Variants in PHLPP2 observed in about 807,000 individuals in gnomAD.
The protein encoded by PHLPP2 is PH domain and leucine rich repeat protein phosphatase 2.
In PHLPP2, 66 loss-of-function variants were observed where a neutral mutation model predicts 124.9. The observed-to-expected ratio is 0.53, with a 90% CI of 0.43 to 0.65. PHLPP2 has a LOEUF of 0.65. Among genes scored for constraint, PHLPP2 ranks in the 30% least tolerant of loss-of-function variants. PHLPP2 has a pLI of 0.00. For synonymous variants in PHLPP2, 681 were observed against 624.7 expected, an observed-to-expected ratio of 1.09 and a Z score of -1.34; for missense variants, 1,685 against 1,600.4, an observed-to-expected ratio of 1.05 and a Z score of -0.90.
intron 5 of PHLPP2, among the ~76,000 whole-genome samples, chr16:71,682,947 G>C (rs955197254): frequency 1.3e-5 from 2 of 152,166 alleles, no homozygotes; most frequent in African/African-American, 4.8e-5. Flanking sequence ...AAGGCGGGCG[G>C]ATCACCTGAG....
chr16:71,717,040 A>G (rs1352660973), intron 1 of PHLPP2, among the ~76,000 whole-genome samples: 2 of 152,170 alleles, frequency 1.3e-5, no homozygotes, highest in Admixed American at 6.5e-5. Context: ...CCTATTCCCA[A>G]TCTGTACCTT....
Position 71,658,249 on chromosome 16 carries a change from T to G in PHLPP2, c.2263A>C (p.Thr755Pro). 6.2e-7 allele frequency: 1 copy of G among 1,613,888 alleles called. No homozygotes were observed. The highest frequency in any genetic ancestry group is 8.5e-7 in the Non-Finnish European group (1 of 1,179,868). Residue 755 changes from threonine to proline, a missense_variant, in exon 15 of 19, where the codon ACA becomes CCA. Coordinates refer to ENST00000568954, the MANE Select transcript of PHLPP2 (RefSeq NM_015020.3). ...TTTTCCTACCTAAATATGTCCAGTG[T>G]CTTGTGTTCCAGAACCAGATTTGTA... ...GNTNLVLEHK[T>P]LDIFSHITTL...
At position 71,648,694 on chromosome 16, in the gene PHLPP2, C is replaced by G. The variant is rs1422547401; in HGVS notation, c.*196G>C. 1.8e-6 allele frequency: 1 copy of G among 570,358 alleles called. No homozygotes were observed. 35.3% of individuals were successfully genotyped at this position (570,358 alleles called of 1,614,324 possible). On this transcript the variant is annotated 3_prime_UTR_variant, in exon 19 of 19. Coordinates refer to ENST00000568954, the MANE Select transcript of PHLPP2 (RefSeq NM_015020.3). ...GGCTGAGACAGGAGAATGGCTTGAA[C>G]CCAGGGACAGAGGCTGCAGTGACCC... is the stretch of plus-strand genomic sequence containing the variant.
intron 4 of PHLPP2, among the ~76,000 whole-genome samples, chr16:71,685,179 T>C (rs2045042956): frequency 6.6e-6 from 1 of 152,108 alleles, no homozygotes; most frequent in South Asian, 2.1e-4. Context: ...TACAAAAAAT[T>C]AGCCGGGTGT....
rs1432775508 is a variant in PHLPP2, at chr16:71,723,733, C to T, written c.-7+596G>A. 6 of 1,067,240 alleles carry T rather than the reference C, an allele frequency of 5.6e-6. No homozygotes were observed. The African/African-American group carries it at 1.0e-4, about 18-fold the overall frequency. The allele number at this position is 1,067,240 out of a possible 1,614,324, so 66.1% of individuals were successfully genotyped here. On this transcript the variant is annotated intron_variant, in intron 1 of 18. Transcript: ENST00000568954. ...CTCCCTAGTCCGCTTGCCCGCTCGC[C>T]CGCTCGCTCGCTCGCTGGTCCATCC...
At chr16:71,698,038 G>A (rs754251245) in intron 3 of PHLPP2, among the ~76,000 whole-genome samples, 12 of 151,898 alleles carry the variant, frequency 7.9e-5, no homozygotes, top group Non-Finnish European at 1.6e-4. Flanking sequence ...TAGTAGAGAC[G>A]GGGTTTCACT....
chr16:71,709,327 C>A (rs372726122), intron 2 of PHLPP2, among the ~76,000 whole-genome samples: 17 of 152,124 alleles, frequency 1.1e-4, no homozygotes, highest in Admixed American at 9.2e-4. Flanking sequence ...TCCCAAATCC[C>A]AAGGGTGCTA....
chr16:71,695,818 C>A (rs2045164122), intron 3 of PHLPP2, among the ~76,000 whole-genome samples: 1 of 151,732 alleles, frequency 6.6e-6, no homozygotes, highest in Non-Finnish European at 1.5e-5. Flanking sequence ...AGACCAATAC[C>A]AAATAATACC....
At chr16:71,691,059 C>G (rs887502131) in intron 3 of PHLPP2, among the ~76,000 whole-genome samples, 3 of 152,224 alleles carry the variant, frequency 2.0e-5, no homozygotes, top group Non-Finnish European at 2.9e-5. Context: ...CTGGTTCTGT[C>G]ACTTTGTTTA....
rs552477304 is a variant in PHLPP2, at chr16:71,656,874, T to A, written c.2280-193A>T. Among the ~76,000 whole-genome samples the A allele has an allele frequency of 3.3e-5, 5 of 151,882 alleles. No individual in the cohort carries two copies. The South Asian group carries it at 1.0e-3, about 32-fold the overall frequency. On this transcript the variant is annotated intron_variant, in intron 15 of 18. Transcript: ENST00000568954. Reference sequence around the variant, plus strand: ...AAGCAATTCTCCTGCCTCAGCCTCCTAAGCAGCTGAGATTACAGGTGTATG... The same window carrying A: ...AAGCAATTCTCCTGCCTCAGCCTCCAAAGCAGCTGAGATTACAGGTGTATG...
intron 2 of PHLPP2, among the ~76,000 whole-genome samples, chr16:71,706,916 TC>T (rs2045277980): frequency 1.3e-5 from 2 of 150,618 alleles, no homozygotes; most frequent in Admixed American, 1.3e-4. Context: ...TTTCATTAAG[TC>T]CAATATATCA....
chr16:71,686,285 G>A (rs1022282490), intron 4 of PHLPP2, among the ~76,000 whole-genome samples: 1 of 152,070 alleles, frequency 6.6e-6, no homozygotes, highest in African/African-American at 2.4e-5. Flanking sequence ...TGATCCTCCC[G>A]CCTTAGCTTC....
chr16:71,671,806 C>T (rs979358205), intron 10 of PHLPP2, among the ~76,000 whole-genome samples: 5 of 151,786 alleles, frequency 3.3e-5, no homozygotes, highest in Non-Finnish European at 7.4e-5. Context: ...CCCAGCTACT[C>T]GGGAGGCTGA....
At chr16:71,716,916 G>A (rs967610976) in intron 1 of PHLPP2, among the ~76,000 whole-genome samples, 2 of 152,222 alleles carry the variant, frequency 1.3e-5, no homozygotes, top group Admixed American at 1.3e-4. Flanking sequence ...ATACTACATC[G>A]ATGACAATGG....
intron 13 of PHLPP2, among the ~76,000 whole-genome samples, chr16:71,660,362 G>C (rs1263078857): frequency 1.2e-5 from 1 of 81,138 alleles, no homozygotes; most frequent in Non-Finnish European, 2.1e-5. Context: ...GGTGACACAA[G>C]ACCTTGTCTC....
intron 10 of PHLPP2, among the ~76,000 whole-genome samples, chr16:71,671,848 A>G (rs1356556611): frequency 6.6e-6 from 1 of 152,114 alleles, no homozygotes; most frequent in African/African-American, 2.4e-5. Context: ...CGGGAGGCAG[A>G]GCTTGCAGCG....
Position 71,648,802 on chromosome 16 carries a change from C to G in PHLPP2, c.*88G>C. On this transcript the variant is annotated 3_prime_UTR_variant, in exon 19 of 19. Coordinates refer to ENST00000568954, the MANE Select transcript of PHLPP2 (RefSeq NM_015020.3). ...AACAAACAAAAAAAAAACGAACAAA[C>G]AAAAAGAAATGTAGAGGCAGAATGC... 2 of 968,738 alleles carry G rather than the reference C, an allele frequency of 2.1e-6. No homozygotes were observed. The highest frequency in any genetic ancestry group is 3.1e-6 in the Non-Finnish European group (2 of 640,572). The allele number at this position is 968,738 out of a possible 1,614,324, so 60.0% of individuals were successfully genotyped here. A position where few individuals can be genotyped will look rare whatever the true frequency, so the allele number is the denominator to read the frequency against.
chr16:71,674,383 T>TC (rs35948005), intron 9 of PHLPP2, among the ~76,000 whole-genome samples: 1 of 49,498 alleles, frequency 2.0e-5, no homozygotes, highest in Admixed American at 1.8e-4. Context: ...AGGCCCAGAC[T>TC]TTTTTTTTTT....
chr16:71,705,537 A>G (rs1393169880), intron 2 of PHLPP2, among the ~76,000 whole-genome samples: 1 of 151,898 alleles, frequency 6.6e-6, no homozygotes, highest in Non-Finnish European at 1.5e-5. Flanking sequence ...TTTGAGCCGA[A>G]GTCTCGCTCT....
Sources: gnomAD v4.1 joint callset for allele counts (sites outside exome capture counted in the v4.1 genomes callset) on GRCh38, gnomAD v4.1.1 for gene constraint, MANE v1.5 for transcripts, NCBI Gene and HGNC (gene_info 2026-07-23, HGNC 2026-07-21) for gene names.